Variants in SLC39A8 observed in about 807,000 individuals in gnomAD.
SLC39A8 encodes the protein metal cation symporter ZIP8.
Under a neutral mutation model 40.4 loss-of-function variants are expected in SLC39A8, and 15 were observed. That is an observed-to-expected ratio of 0.37 (90% CI 0.25 to 0.57). The LOEUF is 0.57. Ranked by LOEUF, SLC39A8 falls within the 20% of genes least tolerant of loss-of-function variation. The pLI, the probability that SLC39A8 is intolerant of heterozygous loss-of-function variation, is 0.75. For synonymous variants in SLC39A8, 223 were observed against 221.6 expected (o/e 1.01, Z -0.06); for missense variants, 472 against 558.8 (o/e 0.84, Z 1.57).
intron 3 of SLC39A8, among the ~76,000 whole-genome samples, chr4:102,307,900 A>G (rs1042977029): frequency 2.6e-5 from 4 of 152,056 alleles, no homozygotes; most frequent in Non-Finnish European, 5.9e-5. Context: ...GAACAGCGAC[A>G]AACAATCTGA....
chr4:102,308,481 C>T (rs1427291629), intron 3 of SLC39A8, among the ~76,000 whole-genome samples: 1 of 152,054 alleles, frequency 6.6e-6, no homozygotes, highest in Admixed American at 6.6e-5. Flanking sequence ...GCCTTTGGGC[C>T]TCAATTTCCC....
At chr4:102,289,191 T>C (rs182336980) in intron 6 of SLC39A8, among the ~76,000 whole-genome samples, 118 of 152,318 alleles carry the variant, frequency 7.7e-4, no homozygotes, top group South Asian at 4.8e-3. Context: ...TTACTCTGTC[T>C]GTGCTCTAGA....
chr4:102,254,086 T>A (rs1731655181), intron 11 of SLC39A8, among the ~76,000 whole-genome samples: 1 of 152,228 alleles, frequency 6.6e-6, no homozygotes, highest in Non-Finnish European at 1.5e-5. Flanking sequence ...CAGAAATGAA[T>A]TCGACGTTAT....
chr4:102,334,677 A>G (rs1041566192), intron 2 of SLC39A8, among the ~76,000 whole-genome samples: 1 of 152,218 alleles, frequency 6.6e-6, no homozygotes, highest in Non-Finnish European at 1.5e-5. Flanking sequence ...CTTGGATGAC[A>G]CAAGAGGCAC....
At chr4:102,318,399 C>T (rs952701273) in intron 2 of SLC39A8, among the ~76,000 whole-genome samples, 28 of 152,118 alleles carry the variant, frequency 1.8e-4, no homozygotes, top group Non-Finnish European at 3.1e-4. Context: ...AACAGTGCAG[C>T]AGAACTGAAT....
At chr4:102,265,316 G>T (rs1473177766) in intron 8 of SLC39A8, among the ~76,000 whole-genome samples, 1 of 104,022 alleles carries the variant, frequency 9.6e-6, no homozygotes, top group South Asian at 3.8e-4. Flanking sequence ...AAGGATGGCT[G>T]ATCAGGGGTG....
At chr4:102,258,374 CTAGCCCT>C (rs1206060420), downstream of SLC39A8, among the ~76,000 whole-genome samples, 16 of 152,126 alleles carry the variant, frequency 1.1e-4, no homozygotes, top group Non-Finnish European at 1.8e-4. Flanking sequence ...GAAGGACTGG[CTAGCCCT>C]TCTCCTACCC....
At chr4:102,257,242 C>T (rs565920650), downstream of SLC39A8, among the ~76,000 whole-genome samples, 1 of 151,772 alleles carries the variant, frequency 6.6e-6, no homozygotes, top group East Asian at 1.9e-4. Context: ...GCAACCTCTG[C>T]CTCCCGGGTT....
At chr4:102,342,495 T>C (rs1328967995) in intron 2 of SLC39A8, among the ~76,000 whole-genome samples, 2 of 151,884 alleles carry the variant, frequency 1.3e-5, no homozygotes, top group Admixed American at 6.5e-5. Context: ...TAAAACTCAG[T>C]CTCAAAAAAA....
chr4:102,304,888 C>A, intron 5 of SLC39A8, 101 bp downstream of exon 5: 1 of 1,024,786 alleles, frequency 9.8e-7, no homozygotes, highest in Non-Finnish European at 1.4e-6. Context: ...AATAACTGGA[C>A]CATTCTCATA....
At chr4:102,265,093 A>G (rs1732042168) in intron 8 of SLC39A8, among the ~76,000 whole-genome samples, 1 of 152,186 alleles carries the variant, frequency 6.6e-6, no homozygotes, top group Non-Finnish European at 1.5e-5. Flanking sequence ...CAACTGGGCT[A>G]TCTGGCAAAC....
chr4:102,281,004 G>T (rs1732845785), intron 6 of SLC39A8, among the ~76,000 whole-genome samples: 1 of 152,166 alleles, frequency 6.6e-6, no homozygotes, highest in Admixed American at 6.5e-5. Flanking sequence ...GTAAATAATA[G>T]TTAAATATTT....
chr4:102,302,948 C>T (rs1381334229), intron 6 of SLC39A8, among the ~76,000 whole-genome samples: 1 of 151,954 alleles, frequency 6.6e-6, no homozygotes, highest in Non-Finnish European at 1.5e-5. Flanking sequence ...TAGCTGAGTG[C>T]TAACACAGAA....
At chr4:102,257,578 T>C (rs1044559835), downstream of SLC39A8, among the ~76,000 whole-genome samples, 3 of 152,194 alleles carry the variant, frequency 2.0e-5, no homozygotes, top group Non-Finnish European at 2.9e-5. Flanking sequence ...CTTGTCGAAG[T>C]TCTCCATTTG....
chr4:102,321,417 G>C (rs571913269), intron 2 of SLC39A8, among the ~76,000 whole-genome samples: 86 of 152,320 alleles, frequency 5.6e-4, no homozygotes, highest in South Asian at 1.7e-3. Context: ...GTGCGTGCAA[G>C]GGGCAGGAGC....
In SLC39A8 at chr4:102,267,690, G is replaced by C; in HGVS notation, c.1049-16C>G. On this transcript the variant is annotated splice_polypyrimidine_tract_variant and intron_variant, in intron 7 of 8. Coordinates refer to ENST00000356736, the MANE Select transcript of SLC39A8 (RefSeq NM_001135146.2). ...ACAAAGTCTCCTAGAAGAAGAAGAA[G>C]AAAATATCAAGTGAATAGTTTTTTT... 1 of 1,563,540 alleles carries C rather than the reference G, an allele frequency of 6.4e-7. No individual in the cohort carries two copies. The highest frequency in any genetic ancestry group is 8.6e-7 in the Non-Finnish European group (1 of 1,160,344).
At position 102,315,794 on chromosome 4, in the gene SLC39A8, A is replaced by G. The variant is rs1734628805; in HGVS notation, c.256T>C (p.Phe86Leu). The G allele has an allele frequency of 6.2e-7, 1 of 1,613,306 alleles. No individual in the cohort carries two copies. The highest frequency in any genetic ancestry group is 1.1e-5 in the South Asian group (1 of 91,022). The change falls in exon 3 of 9, where the codon TTT becomes CTT. Residue 86 changes from phenylalanine to leucine, a missense_variant. Phe to Leu is a conservative substitution (Grantham distance 22). Around this residue, in one of 4 missense-constraint regions of SLC39A8, gnomAD observed 175 missense variants for 160.5 expected, o/e 1.09. Coordinates refer to ENST00000356736, the MANE Select transcript of SLC39A8 (RefSeq NM_001135146.2). ...TAEEIFSLHG[F>L]SNATQITSSK... is the part of the protein sequence containing the mutation. ...CTGGTTATTTGGGTAGCATTTGAAA[A>G]GCCATGAAGGGAAAAGATCTCTTCA...
At position 102,280,028 on chromosome 4, in the gene SLC39A8, T is replaced by C. The variant is rs111270305; in HGVS notation, c.841-11949A>G. On this transcript the variant is annotated intron_variant, in intron 6 of 8. Transcript: ENST00000356736. ...CAGGTGCTCAGCAGGTTCCAGACAGTGAGCTCTAACAAAATTGGAGGGAAG... is the reference window on the plus strand; with the variant it reads ...CAGGTGCTCAGCAGGTTCCAGACAGCGAGCTCTAACAAAATTGGAGGGAAG... 7.1e-3 allele frequency among the ~76,000 whole-genome samples: 1,082 copies of C among 152,280 alleles called. 16 individuals are homozygous for C. Among genetic ancestry groups the C allele is most frequent in the African/African-American group, 0.025 (1,028 of 41,562 alleles).
intron 2 of SLC39A8, among the ~76,000 whole-genome samples, chr4:102,316,066 C>G (rs917367665): frequency 7.2e-5 from 11 of 151,820 alleles, no homozygotes; most frequent in Non-Finnish European, 1.5e-5. Context: ...TTTCCTACAG[C>G]AGAAAATAAA....
Sources: allele counts gnomAD v4.1 joint callset (sites outside exome capture counted in the v4.1 genomes callset), GRCh38; gene constraint gnomAD v4.1.1; regional missense constraint gnomAD v4.1.1; transcripts MANE v1.5; gene names NCBI Gene and HGNC (gene_info 2026-07-23, HGNC 2026-07-21).